Variants in OR51B5 observed in about 807,000 individuals in gnomAD.
OR51B5 encodes the protein olfactory receptor 51B5.
For synonymous variants in OR51B5, 186 were observed against 144.8 expected (o/e 1.28, Z -2.04); for missense variants, 456 against 374.6 (o/e 1.22, Z -1.79).
Position 5,368,125 on chromosome 11 carries a change from T to G in OR51B5, n.85-21215A>C, listed in dbSNP as rs545625815. On this transcript the variant is annotated intron_variant and non_coding_transcript_variant, in intron 1 of 4. Transcript: ENST00000415970. Reference sequence around the variant, plus strand: ...TTGTTTTTTCCTCTGCCATTCAGATTTGTTGCATCTTCAACCAATAACTTA... The same window carrying G: ...TTGTTTTTTCCTCTGCCATTCAGATGTGTTGCATCTTCAACCAATAACTTA... Among the ~76,000 whole-genome samples, 12 of 152,366 alleles carry G rather than the reference T, an allele frequency of 7.9e-5. 1 individual carries two copies. In the South Asian group the frequency reaches 1.9e-3, roughly 24 times the overall value.
At chr11:5,505,597 A>G in exon 1 of OR51B5, 1 of 716,504 alleles carries the variant, frequency 1.4e-6, no homozygotes, top group South Asian at 2.0e-5. Context: ...AGGCCTCACA[A>G]CCATGGCCAG....
chr11:5,413,738 G>T (rs942363571), intron 1 of OR51B5, among the ~76,000 whole-genome samples: 4 of 152,056 alleles, frequency 2.6e-5, no homozygotes, highest in Non-Finnish European at 5.9e-5. Flanking sequence ...AGAGAAAAAA[G>T]AATAAAAAGA....
intron 1 of OR51B5, among the ~76,000 whole-genome samples, chr11:5,356,163 C>T (rs547693617): frequency 1.5e-3 from 229 of 152,080 alleles, no homozygotes; most frequent in Non-Finnish European, 2.3e-3. Context: ...AGGCTTCAGA[C>T]GATCAAACTA....
At chr11:5,425,319 G>T (rs1309706352) in intron 1 of OR51B5, among the ~76,000 whole-genome samples, 1 of 152,210 alleles carries the variant, frequency 6.6e-6, no homozygotes, top group Non-Finnish European at 1.5e-5. Context: ...TTTTTCAAAA[G>T]AGGAGCACAG....
At chr11:5,401,829 ATTCC>A (rs1358381201) in intron 1 of OR51B5, among the ~76,000 whole-genome samples, 3 of 120,204 alleles carry the variant, frequency 2.5e-5, no homozygotes, top group South Asian at 2.9e-4. Flanking sequence ...TTTTTCTATC[ATTCC>A]TTCCTTCCCT....
At chr11:5,503,393 A>G (rs1263882683) in intron 1 of OR51B5, among the ~76,000 whole-genome samples, 1 of 151,880 alleles carries the variant, frequency 6.6e-6, no homozygotes, top group Non-Finnish European at 1.5e-5. Context: ...CCAAATGCGT[A>G]AAGCTTATTT....
At chr11:5,349,042 C>T (rs1421636832) in intron 1 of OR51B5, among the ~76,000 whole-genome samples, 2 of 152,094 alleles carry the variant, frequency 1.3e-5, no homozygotes, top group African/African-American at 2.4e-5. Flanking sequence ...GTTTATGCGG[C>T]AGAGTTTGAG....
chr11:5,479,524 A>G (rs1338105425), intron 1 of OR51B5, among the ~76,000 whole-genome samples: 7 of 149,710 alleles, frequency 4.7e-5, no homozygotes, highest in Non-Finnish European at 1.1e-4. Flanking sequence ...TTAACTTTAA[A>G]TGTAAATGGA....
chr11:5,419,148 T>G (rs1477972557), intron 1 of OR51B5, among the ~76,000 whole-genome samples: 4 of 152,350 alleles, frequency 2.6e-5, no homozygotes, highest in African/African-American at 7.2e-5. Context: ...ATCTTCTCTA[T>G]GTTTGCCATA....
intron 1 of OR51B5, among the ~76,000 whole-genome samples, chr11:5,410,626 C>G (rs967387678): frequency 1.3e-5 from 2 of 151,970 alleles, no homozygotes; most frequent in African/African-American, 4.8e-5. Flanking sequence ...AAAAAGTTAA[C>G]TGTAAAAAAG....
rs115685326 is a variant in OR51B5 at position 5,440,838 on chromosome 11, G to T, written n.84+64731C>A. The T allele has an allele frequency of 2.4e-4, 387 of 1,613,792 alleles. 1 individual carries two copies. In the African/African-American group the frequency reaches 4.2e-3, roughly 17 times the overall value. On this transcript the variant is annotated intron_variant and non_coding_transcript_variant, in intron 1 of 4. Transcript: ENST00000415970. ...TTCCTGGGATATGATGACCAGCATG[G>T]CTCTCAGGATCAATGCGTAGGAAAG...
At position 5,342,915 on chromosome 11, in the gene OR51B5, T is replaced by TAAAG. The variant is rs1409630844; in HGVS notation, c.606_609dup (p.Ile204LeufsTer89). ...ATAATCAGATAATCCAGCACAAATA[T>TAAAG]AAAGACTACAAGCACAGCTGGGTAC... On this transcript the variant is annotated frameshift_variant, in exon 1 of 1. Transcript: ENST00000300773. LOFTEE classifies it low-confidence loss of function (END_TRUNC). The TAAAG allele has an allele frequency of 2.5e-5, 40 of 1,613,614 alleles. No homozygotes were observed. Among genetic ancestry groups the TAAAG allele is most frequent in the Non-Finnish European group, 3.2e-5 (38 of 1,179,918 alleles).
chr11:5,479,774 C>G (rs1327576356), intron 1 of OR51B5, among the ~76,000 whole-genome samples: 13 of 144,674 alleles, frequency 9.0e-5, no homozygotes, highest in African/African-American at 3.1e-4. Flanking sequence ...AAGGCCATTA[C>G]ATAATGGTAA....
At chr11:5,348,931 G>C (rs1157385826) in intron 1 of OR51B5, among the ~76,000 whole-genome samples, 1 of 152,072 alleles carries the variant, frequency 6.6e-6, no homozygotes, top group Non-Finnish European at 1.5e-5. Flanking sequence ...AGAAAAGAGT[G>C]TCAGGAAAAG....
intron 1 of OR51B5, among the ~76,000 whole-genome samples, chr11:5,373,643 G>A (rs189954590): frequency 8.5e-5 from 13 of 152,152 alleles, no homozygotes; most frequent in African/African-American, 2.7e-4. Flanking sequence ...GTGCTTTTCT[G>A]ACAGGCTTAG....
chr11:5,403,608 T>A (rs2736525), intron 1 of OR51B5: 159,393 of 423,056 alleles, frequency 0.38, 30,427 homozygotes, highest in South Asian at 0.44. Flanking sequence ...TAATAACAGG[T>A]GGCCCTAGAT....
chr11:5,387,866 T>C (rs1306107386), intron 1 of OR51B5, among the ~76,000 whole-genome samples: 1 of 152,180 alleles, frequency 6.6e-6, no homozygotes, highest in African/African-American at 2.4e-5. Context: ...TGCTCCCTAC[T>C]TCTTTATTGC....
chr11:5,425,308 G>GT (rs766238284), intron 1 of OR51B5, among the ~76,000 whole-genome samples: 12 of 152,162 alleles, frequency 7.9e-5, no homozygotes, highest in Admixed American at 2.0e-4. Context: ...GATTATGTTG[G>GT]TTTTTCAAAA....
intron 1 of OR51B5, among the ~76,000 whole-genome samples, chr11:5,503,598 G>A (rs1846330170): frequency 1.3e-5 from 2 of 152,056 alleles, no homozygotes; most frequent in Admixed American, 6.5e-5. Context: ...GACAAAATTA[G>A]CCAATGGTAT....
Sources: gnomAD v4.1 joint callset for allele counts (sites outside exome capture counted in the v4.1 genomes callset) on GRCh38, gnomAD v4.1.1 for gene constraint, MANE v1.5 for transcripts, NCBI Gene and HGNC (gene_info 2026-07-23, HGNC 2026-07-21) for gene names.